D2HGDH: variants seen among roughly 807,000 people sequenced by gnomAD.
D2HGDH encodes the protein D-2-hydroxyglutarate dehydrogenase, mitochondrial.
D2HGDH carries 31 observed loss-of-function variants against 46.9 expected under a neutral mutation model. The observed-to-expected ratio is 0.66, with a 90% CI of 0.50 to 0.89. The LOEUF is 0.89. Ranked by LOEUF, D2HGDH falls within the 40% of genes least tolerant of loss-of-function variation. D2HGDH has a pLI of 0.00. For missense variants in D2HGDH, 698 were observed against 720.8 expected, an observed-to-expected ratio of 0.97 and a Z score of 0.36; for synonymous variants, 364 against 332.6, an observed-to-expected ratio of 1.09 and a Z score of -1.03.
intron 2 of D2HGDH, among the ~76,000 whole-genome samples, chr2:241,739,832 A>G (rs1385293834): frequency 6.6e-6 from 1 of 152,246 alleles, no homozygotes; most frequent in Non-Finnish European, 1.5e-5. Context: ...AGCGAAGGGA[A>G]AGCCCTCCCT....
intron 2 of D2HGDH, among the ~76,000 whole-genome samples, chr2:241,737,125 C>T (rs532771215): frequency 1.4e-4 from 21 of 152,116 alleles, no homozygotes; most frequent in Admixed American, 5.2e-4. Context: ...CCCGCCACCA[C>T]GCCCGGCTCA....
intron 1 of D2HGDH, 75 bp from the exon 2 acceptor site, chr2:241,735,058 C>T (rs149964492): frequency 3.9e-6 from 3 of 774,574 alleles, no homozygotes. Context: ...CCTCCTGCCC[C>T]CTCCCTGCTT....
At chr2:241,760,089 A>G (rs62192033) in intron 9 of D2HGDH, among the ~76,000 whole-genome samples, 19,595 of 74,298 alleles carry the variant, frequency 0.26, 4,820 homozygotes, top group African/African-American at 0.46. Flanking sequence ...TCGCCACAGC[A>G]TGGGTGGGCC....
chr2:241,755,684 T>C lies in D2HGDH; in HGVS notation c.1141-165T>C, dbSNP rs755911804. 131 of 1,553,770 alleles carry C rather than the reference T, an allele frequency of 8.4e-5. No individual in the cohort carries two copies. The African/African-American group carries it at 1.5e-3, about 18-fold the overall frequency. ...CTCCTGGTCTGGGACATTCGCTGTC[T>C]GGGGTTGGAGCCACACCTGGTCTGG... On this transcript the variant is annotated intron_variant, in intron 8 of 9. Transcript: ENST00000321264.
intron 6 of D2HGDH, chr2:241,749,166 C>A: frequency 1.2e-6 from 1 of 836,454 alleles, no homozygotes; most frequent in Non-Finnish European, 1.6e-6. Flanking sequence ...GAGCAAGATG[C>A]CCAGTCCCCA....
Position 241,735,340 on chromosome 2 carries a change from C to T in D2HGDH, c.116C>T (p.Ala39Val), listed in dbSNP as rs1228794497. Reference sequence around the variant, plus strand: ...CTGGCCCGCAGAGGCTGCTGCTCCGCCCCGGGGACCCCCGAGGTGCCGCTG... The same window carrying T: ...CTGGCCCGCAGAGGCTGCTGCTCCGTCCCGGGGACCCCCGAGGTGCCGCTG... ...GPLARRGCCS[A>V]PGTPEVPLTR... Residue 39 changes from alanine to valine, a missense_variant, in exon 2 of 10, where the codon GCC becomes GTC. Physicochemically the swap from Ala to Val is moderately conservative, Grantham distance 64. Coordinates refer to ENST00000321264, the MANE Select transcript of D2HGDH (RefSeq NM_152783.5). 3.9e-6 allele frequency: 6 copies of T among 1,551,362 alleles called. No homozygotes were observed. The highest frequency in any genetic ancestry group is 5.2e-6 in the Non-Finnish European group (6 of 1,152,818).
intron 2 of D2HGDH, among the ~76,000 whole-genome samples, chr2:241,735,748 A>C (rs970791633): frequency 6.6e-6 from 1 of 151,998 alleles, no homozygotes; most frequent in African/African-American, 2.4e-5. Context: ...TTTTTTTAAG[A>C]CGGAGTCTCA....
intron 1 of D2HGDH, 166 bp from the exon 2 acceptor site, chr2:241,734,967 C>T (rs1456801943): frequency 6.0e-6 from 3 of 499,376 alleles, no homozygotes; most frequent in Non-Finnish European, 3.5e-6. Flanking sequence ...TCCAGGCCTG[C>T]TGCGTGGGGC....
chr2:241,750,335 C>T lies in D2HGDH; in HGVS notation c.997+41C>T. On this transcript the variant is annotated intron_variant, in intron 7 of 9. Coordinates refer to ENST00000321264, the MANE Select transcript of D2HGDH (RefSeq NM_152783.5). ...ACAGGGGGCAGCTGGTCCTGCAGCTCCTTCTGCACGTCTGGACACATGGGA... is the reference window on the plus strand; with the variant it reads ...ACAGGGGGCAGCTGGTCCTGCAGCTTCTTCTGCACGTCTGGACACATGGGA... The T allele has an allele frequency of 1.3e-6, 2 of 1,539,636 alleles. 1 individual carries two copies. The highest frequency in any genetic ancestry group is 2.2e-5 in the South Asian group (2 of 90,174).
At chr2:241,744,622 C>T in intron 5 of D2HGDH, 87 bp from the exon 6 acceptor site, 1 of 1,518,346 alleles carries the variant, frequency 6.6e-7, no homozygotes, top group Non-Finnish European at 9.1e-7. Flanking sequence ...CCTCAGGCTG[C>T]TGCAGAAGTG....
Position 241,750,142 on chromosome 2 carries a change from C to T in D2HGDH, c.854-9C>T. 1 of 1,613,902 alleles carries T rather than the reference C, an allele frequency of 6.2e-7. No individual in the cohort carries two copies. The highest frequency in any genetic ancestry group is 2.2e-5 in the East Asian group (1 of 44,884). Reference sequence around the variant, plus strand: ...CGTGTGGTGCTTGACATGCTGTGACCCGTTTCAGGCTGCCCAGGCTTTGCT... The same window carrying T: ...CGTGTGGTGCTTGACATGCTGTGACTCGTTTCAGGCTGCCCAGGCTTTGCT... On this transcript the variant is annotated splice_polypyrimidine_tract_variant and intron_variant, in intron 6 of 9. Coordinates refer to ENST00000321264, the MANE Select transcript of D2HGDH (RefSeq NM_152783.5).
chr2:241,750,316 G>A, intron 7 of D2HGDH, 22 bp downstream of exon 7: 2 of 1,609,650 alleles, frequency 1.2e-6, no homozygotes, highest in South Asian at 2.2e-5. Context: ...CCACACAGGG[G>A]GCAGCTGGTC....
At chr2:241,747,787 T>C (rs1210019575) in intron 6 of D2HGDH, among the ~76,000 whole-genome samples, 1 of 152,146 alleles carries the variant, frequency 6.6e-6, no homozygotes, top group Non-Finnish European at 1.5e-5. Flanking sequence ...GGTCTTGAAC[T>C]CCTGAGCTCA....
intron 9 of D2HGDH, among the ~76,000 whole-genome samples, chr2:241,759,917 C>T (rs139747640): frequency 6.6e-6 from 1 of 152,192 alleles, no homozygotes; most frequent in Non-Finnish European, 1.5e-5. Flanking sequence ...TGGTCAAACT[C>T]CAGTTTGGAT....
At chr2:241,744,985 G>A in intron 6 of D2HGDH, 108 bp downstream of exon 6, 8 of 1,345,192 alleles carry the variant, frequency 5.9e-6, no homozygotes, top group Admixed American at 3.7e-5. Context: ...CCCCGCCAAG[G>A]ACAGTCGGTT....
intron 9 of D2HGDH, among the ~76,000 whole-genome samples, chr2:241,763,828 A>G (rs1699044549): frequency 6.6e-6 from 1 of 151,972 alleles, no homozygotes; most frequent in Non-Finnish European, 1.5e-5. Context: ...TCAGGAGTTC[A>G]AGACCAGCCT....
chr2:241,763,889 C>CA (rs1012574597), intron 9 of D2HGDH, among the ~76,000 whole-genome samples: 52 of 151,598 alleles, frequency 3.4e-4, no homozygotes, highest in African/African-American at 1.2e-3. Flanking sequence ...GCCGTTTCTA[C>CA]AAAAAAAATA....
intron 8 of D2HGDH, among the ~76,000 whole-genome samples, chr2:241,754,145 T>C (rs1029683110): frequency 3.3e-5 from 5 of 152,174 alleles, no homozygotes; most frequent in African/African-American, 1.2e-4. Flanking sequence ...GTAGAGCCCA[T>C]CTTGTGGCCA....
At chr2:241,739,794 T>C (rs1693939419) in intron 2 of D2HGDH, among the ~76,000 whole-genome samples, 1 of 152,220 alleles carries the variant, frequency 6.6e-6, no homozygotes, top group African/African-American at 2.4e-5. Flanking sequence ...TCACTGTGAA[T>C]AAGCAGCTAC....
Sources: gnomAD v4.1 joint callset for allele counts (sites outside exome capture counted in the v4.1 genomes callset) on GRCh38, gnomAD v4.1.1 for gene constraint, MANE v1.5 for transcripts, NCBI Gene and HGNC (gene_info 2026-07-23, HGNC 2026-07-21) for gene names.